Variants in ZNF100 observed in about 807,000 individuals in gnomAD.
ZNF100 encodes the protein zinc finger protein 100 (Y1).
Under a neutral mutation model 15.8 loss-of-function variants are expected in ZNF100, and 12 were observed. The ratio of observed to expected loss-of-function variants is 0.76; its 90% CI spans 0.49 to 1.23. ZNF100 has a LOEUF of 1.23. Among genes scored for constraint, ZNF100 ranks in the 50% most tolerant of loss-of-function variants. The pLI is 0.00. For synonymous variants in ZNF100, 226 were observed against 214.8 expected, an observed-to-expected ratio of 1.05 and a Z score of -0.45; for missense variants, 670 against 635.6, an observed-to-expected ratio of 1.05 and a Z score of -0.58.
Position 21,727,623 on chromosome 19 carries a change from T to C in ZNF100, c.689A>G (p.Glu230Gly). 6.2e-7 allele frequency: 1 copy of C among 1,612,044 alleles called. No individual in the cohort carries two copies. Among genetic ancestry groups the C allele is most frequent in the Non-Finnish European group, 8.5e-7 (1 of 1,179,252 alleles). The change falls in exon 5 of 5, where the codon GAG becomes GGG. Residue 230 changes from glutamate to glycine, a missense_variant. Coordinates refer to ENST00000358296, the MANE Select transcript of ZNF100 (RefSeq NM_173531.4). ...LTQHKRFHITENSYQCKDCGK... is the reference protein window; with the variant it reads ...LTQHKRFHITGNSYQCKDCGK... The stretch of plus-strand genomic sequence containing the variant: ...ACAATCTTTACATTGGTAGGAATTC[T>C]CTGTAATATGAAATCTTTTATGTTG...
chr19:21,741,977 G>A (rs554167811), intron 4 of ZNF100, among the ~76,000 whole-genome samples: 1 of 152,108 alleles, frequency 6.6e-6, no homozygotes, highest in Non-Finnish European at 1.5e-5. Flanking sequence ...CACCATGTCT[G>A]GCCTTGAAAT....
intron 4 of ZNF100, among the ~76,000 whole-genome samples, chr19:21,742,518 A>T (rs995229046): frequency 6.6e-6 from 1 of 151,870 alleles, no homozygotes; most frequent in Non-Finnish European, 1.5e-5. Context: ...CAAAAAACAA[A>T]AAACAAAAGT....
chr19:21,732,186 C>T (rs1361828266), intron 4 of ZNF100, among the ~76,000 whole-genome samples: 2 of 152,074 alleles, frequency 1.3e-5, no homozygotes, highest in African/African-American at 2.4e-5. Context: ...AAAAAAATTG[C>T]TAATATTTTA....
chr19:21,765,554 C>T, intron 2 of ZNF100, 140 bp downstream of exon 2: 3 of 665,246 alleles, frequency 4.5e-6, no homozygotes, highest in South Asian at 5.0e-5. Flanking sequence ...ATTTTTCTGC[C>T]CCCCTTAGAT....
intron 4 of ZNF100, among the ~76,000 whole-genome samples, chr19:21,733,447 A>T (rs998870727): frequency 2.0e-5 from 3 of 152,040 alleles, no homozygotes; most frequent in Non-Finnish European, 2.9e-5. Context: ...AGATGATTAC[A>T]TTATACTTCT....
Position 21,759,806 on chromosome 19 carries a change from G to A in ZNF100, c.96+5888C>T, listed in dbSNP as rs1568311728. On this transcript the variant is annotated intron_variant, in intron 2 of 4. Coordinates refer to ENST00000358296, the MANE Select transcript of ZNF100 (RefSeq NM_173531.4). ...GAGAGGCATAAATATTCCACTTCTT[G>A]TTTACCATAAAATTAAGAAATAACC... is the stretch of plus-strand genomic sequence containing the variant. Among the ~76,000 whole-genome samples, 6 of 152,144 alleles carry A rather than the reference G, an allele frequency of 3.9e-5. No homozygotes were observed. In the South Asian group the frequency reaches 1.2e-3, roughly 32 times the overall value.
chr19:21,746,267 A>G (rs1307267497), intron 2 of ZNF100, among the ~76,000 whole-genome samples: 2 of 152,198 alleles, frequency 1.3e-5, no homozygotes, highest in African/African-American at 4.8e-5. Flanking sequence ...AGTTTTATGC[A>G]AAGTTCAAGA....
intron 2 of ZNF100, among the ~76,000 whole-genome samples, chr19:21,759,060 G>C (rs1449799663): frequency 6.6e-6 from 1 of 152,146 alleles, no homozygotes; most frequent in Non-Finnish European, 1.5e-5. Flanking sequence ...TGCAGAGTCA[G>C]CAAAGACCCT....
chr19:21,760,412 T>C (rs560270362), intron 2 of ZNF100, among the ~76,000 whole-genome samples: 2 of 150,896 alleles, frequency 1.3e-5, no homozygotes, highest in African/African-American at 4.9e-5. Context: ...GGAGAATCGC[T>C]TGAACCTGAG....
At chr19:21,759,183 T>C (rs901354394) in intron 2 of ZNF100, among the ~76,000 whole-genome samples, 3 of 152,126 alleles carry the variant, frequency 2.0e-5, no homozygotes, top group Non-Finnish European at 2.9e-5. Context: ...TCCTGCGACC[T>C]TCCTCAAGTT....
chr19:21,735,440 G>C (rs1415671094), intron 4 of ZNF100, among the ~76,000 whole-genome samples: 1 of 147,206 alleles, frequency 6.8e-6, no homozygotes, highest in Non-Finnish European at 1.5e-5. Context: ...CTGGAAGTGA[G>C]CCAAGATTGT....
In ZNF100 at chr19:21,724,752, TAAATA is replaced by T. The variant is rs1052443674; in HGVS notation, c.*1926_*1930del. ...CCCAAATAATTAAGAAAAATAAATTTAAATAAAATAAACATTTGGCTGGGCACGGT... is the reference window on the plus strand; with the variant it reads ...CCCAAATAATTAAGAAAAATAAATTTAAATAAACATTTGGCTGGGCACGGT... On this transcript the variant is annotated 3_prime_UTR_variant, in exon 5 of 5. Coordinates refer to ENST00000358296, the MANE Select transcript of ZNF100 (RefSeq NM_173531.4). 4 of 152,082 alleles carry T rather than the reference TAAATA, an allele frequency of 2.6e-5. No individual in the cohort carries two copies. The highest frequency in any genetic ancestry group is 9.7e-5 in the African/African-American group (4 of 41,416). The allele number at this position is 152,082 out of a possible 1,614,324, so 9.4% of individuals were successfully genotyped here.
Position 21,724,751 on chromosome 19 carries a change from T to C in ZNF100, c.*1932A>G, listed in dbSNP as rs1204481303. On this transcript the variant is annotated 3_prime_UTR_variant, in exon 5 of 5. Coordinates refer to ENST00000358296, the MANE Select transcript of ZNF100 (RefSeq NM_173531.4). ...CCCCAAATAATTAAGAAAAATAAAT[T>C]TAAATAAAATAAACATTTGGCTGGG... is the stretch of plus-strand genomic sequence containing the variant. 1 of 152,072 alleles carries C rather than the reference T, an allele frequency of 6.6e-6. No individual in the cohort carries two copies. Among genetic ancestry groups the C allele is most frequent in the South Asian group, 2.1e-4 (1 of 4,826 alleles). 9.4% of individuals were successfully genotyped at this position (152,072 alleles called of 1,614,324 possible).
At chr19:21,748,019 G>C (rs1024442747) in intron 2 of ZNF100, among the ~76,000 whole-genome samples, 2 of 152,020 alleles carry the variant, frequency 1.3e-5, no homozygotes, top group African/African-American at 4.8e-5. Context: ...ACAGAGGAGG[G>C]GGCATAGAAA....
intron 2 of ZNF100, among the ~76,000 whole-genome samples, chr19:21,764,850 T>C (rs1376586285): frequency 6.6e-6 from 1 of 152,030 alleles, no homozygotes; most frequent in Non-Finnish European, 1.5e-5. Context: ...AAATTTACCC[T>C]GAAAAAAAAG....
chr19:21,730,406 G>A (rs1437137949), intron 4 of ZNF100, among the ~76,000 whole-genome samples: 1 of 146,760 alleles, frequency 6.8e-6, no homozygotes, highest in East Asian at 2.0e-4. Flanking sequence ...AGACAAAGAA[G>A]GGCATTAAAC....
At chr19:21,765,920 C>A in intron 1 of ZNF100, 134 bp from the exon 2 acceptor site, 1 of 765,510 alleles carries the variant, frequency 1.3e-6, no homozygotes, top group Non-Finnish European at 2.1e-6. Flanking sequence ...TGGCTGAGGA[C>A]ACATCACCCC....
intron 2 of ZNF100, chr19:21,751,547 G>C: frequency 4.0e-6 from 5 of 1,263,546 alleles, no homozygotes; most frequent in Non-Finnish European, 4.6e-6. Context: ...GAAAAGGATT[G>C]TTCTGGGAGC....
At chr19:21,738,845 T>A in intron 4 of ZNF100, among the ~76,000 whole-genome samples, 1 of 152,072 alleles carries the variant, frequency 6.6e-6, no homozygotes, top group Non-Finnish European at 1.5e-5. Flanking sequence ...CTTGGGAGGC[T>A]GAGGCAAGAA....
Sources: allele counts gnomAD v4.1 joint callset (sites outside exome capture counted in the v4.1 genomes callset), GRCh38; gene constraint gnomAD v4.1.1; transcripts MANE v1.5; gene names NCBI Gene and HGNC (gene_info 2026-07-23, HGNC 2026-07-21).